Variants in CORIN observed in about 807,000 individuals in gnomAD.
CORIN encodes corin, serine peptidase, also known as atrial natriuretic peptide-converting enzyme.
CORIN carries 117 observed loss-of-function variants against 125.3 expected under a neutral mutation model. The observed-to-expected ratio is 0.93, with a 90% CI of 0.80 to 1.09. The LOEUF is 1.09. Among genes scored for constraint, CORIN ranks in the 50% least tolerant of loss-of-function variants. The probability of loss-of-function intolerance (pLI) is 0.00; values close to 1 mark genes in which losing one functional copy is unlikely to be tolerated. For synonymous variants in CORIN, 450 were observed against 466.4 expected, an observed-to-expected ratio of 0.96 and a Z score of 0.45; for missense variants, 1,253 against 1,306.7, an observed-to-expected ratio of 0.96 and a Z score of 0.63.
At chr4:47,835,874 A>G (rs1733372011) in intron 1 of CORIN, among the ~76,000 whole-genome samples, 1 of 152,162 alleles carries the variant, frequency 6.6e-6, no homozygotes, top group Non-Finnish European at 1.5e-5. Flanking sequence ...CTGTACCTGG[A>G]TATGTGCTTG....
chr4:47,806,459 A>G (rs571326484), intron 2 of CORIN, among the ~76,000 whole-genome samples: 17 of 152,280 alleles, frequency 1.1e-4, no homozygotes, highest in Admixed American at 4.6e-4. Context: ...CTTCTAACCT[A>G]AATTTCTATT....
intron 5 of CORIN, among the ~76,000 whole-genome samples, chr4:47,695,558 T>C (rs1006377376): frequency 2.6e-5 from 4 of 152,238 alleles, no homozygotes; most frequent in African/African-American, 9.6e-5. Context: ...TGATATCCCC[T>C]GTCTTGGCTG....
Position 47,659,019 on chromosome 4 carries a change from A to T in CORIN, c.1735+2692T>A, listed in dbSNP as rs1325637424. Among the ~76,000 whole-genome samples the T allele has an allele frequency of 2.0e-5, 3 of 152,306 alleles. No homozygotes were observed. The East Asian group carries it at 5.8e-4, about 29-fold the overall frequency. ...TCAGATACCCTAAATTTTCACTCTG[A>T]AGTTCCAACTTCAACAGATCCTTAG... On this transcript the variant is annotated intron_variant, in intron 12 of 21. Transcript: ENST00000273857.
At chr4:47,791,594 G>C (rs746005014) in intron 2 of CORIN, among the ~76,000 whole-genome samples, 1 of 152,194 alleles carries the variant, frequency 6.6e-6, no homozygotes, top group Non-Finnish European at 1.5e-5. Flanking sequence ...GTTTTAGAGA[G>C]ATGGAAACTG....
intron 1 of CORIN, among the ~76,000 whole-genome samples, chr4:47,825,125 C>T (rs758442923): frequency 6.6e-6 from 1 of 152,156 alleles, no homozygotes; most frequent in African/African-American, 2.4e-5. Flanking sequence ...CCTCAGGGTG[C>T]GAGACACAAA....
chr4:47,771,593 C>T (rs1160829980), intron 3 of CORIN, among the ~76,000 whole-genome samples: 2 of 152,154 alleles, frequency 1.3e-5, no homozygotes, highest in Admixed American at 6.5e-5. Context: ...TCCCTCCTCC[C>T]ACCCTCCACC....
intron 5 of CORIN, among the ~76,000 whole-genome samples, chr4:47,712,705 T>C (rs1256063643): frequency 1.3e-5 from 2 of 152,188 alleles, no homozygotes; most frequent in Non-Finnish European, 2.9e-5. Flanking sequence ...TCTCTTAGTT[T>C]CCACAAGAAG....
chr4:47,698,498 A>G (rs1726138408), intron 5 of CORIN, among the ~76,000 whole-genome samples: 1 of 151,918 alleles, frequency 6.6e-6, no homozygotes, highest in Admixed American at 6.6e-5. Context: ...AATGAGGCCA[A>G]GCAGAAGGGA....
intron 19 of CORIN, among the ~76,000 whole-genome samples, chr4:47,606,039 A>G (rs1021761757): frequency 6.6e-6 from 1 of 152,156 alleles, no homozygotes; most frequent in Non-Finnish European, 1.5e-5. Context: ...AGAGGAACGG[A>G]CATCATTCAG....
At chr4:47,693,663 G>A (rs1380564391) in intron 5 of CORIN, among the ~76,000 whole-genome samples, 3 of 152,162 alleles carry the variant, frequency 2.0e-5, no homozygotes, top group Non-Finnish European at 2.9e-5. Context: ...TTGGCATAAG[G>A]AACGGGAAAT....
intron 1 of CORIN, among the ~76,000 whole-genome samples, chr4:47,834,423 G>C (rs571061436): frequency 6.6e-6 from 1 of 152,282 alleles, no homozygotes; most frequent in South Asian, 2.1e-4. Flanking sequence ...TAGAAGCAGA[G>C]AGTGGAATGG....
chr4:47,606,010 T>C (rs1331669771), intron 19 of CORIN, among the ~76,000 whole-genome samples: 1 of 152,032 alleles, frequency 6.6e-6, no homozygotes, highest in Admixed American at 6.5e-5. Flanking sequence ...ATTAAACAAA[T>C]AGTAATTTCA....
chr4:47,825,769 C>T (rs1051010821), intron 1 of CORIN, among the ~76,000 whole-genome samples: 4 of 148,688 alleles, frequency 2.7e-5, no homozygotes, highest in East Asian at 1.9e-4. Flanking sequence ...GGCGTGATCT[C>T]GGCTCACTGC....
intron 5 of CORIN, among the ~76,000 whole-genome samples, chr4:47,694,961 A>G (rs985706810): frequency 5.3e-5 from 8 of 152,228 alleles, no homozygotes; most frequent in Non-Finnish European, 1.2e-4. Flanking sequence ...TTATGATACT[A>G]CTTCATGTAA....
Position 47,674,443 on chromosome 4 carries a change from G to C in CORIN, c.1307C>G (p.Ser436Ter), listed in dbSNP as rs1361341571. The C allele has an allele frequency of 6.2e-7, 1 of 1,613,900 alleles. No individual in the cohort carries two copies. The highest frequency in any genetic ancestry group is 8.5e-7 in the Non-Finnish European group (1 of 1,179,934). Reference protein sequence around the residue: ...QRCLYNPCLDSCGGSSLCDPN... With the variant: ...QRCLYNPCLD ...GTCACAGAGAGAGCTACCACCACAT[G>C]AATCAAGGCAGGGATTGTAGAGGCA... Residue 436 changes from serine to a stop codon, truncating the protein, a stop_gained, in exon 10 of 22, where the codon TCA becomes TGA. Transcript: ENST00000273857. LOFTEE classifies it high-confidence loss of function.
intron 10 of CORIN, among the ~76,000 whole-genome samples, chr4:47,669,854 C>A (rs1306356896): frequency 6.6e-6 from 1 of 152,180 alleles, no homozygotes; most frequent in African/African-American, 2.4e-5. Context: ...CAGGCGTGAG[C>A]CACCGCACCC....
At chr4:47,603,104 G>T (rs920521953) in intron 20 of CORIN, among the ~76,000 whole-genome samples, 1 of 152,122 alleles carries the variant, frequency 6.6e-6, no homozygotes, top group African/African-American at 2.4e-5. Flanking sequence ...TAATGGGAGG[G>T]ATCTGGTGGG....
intron 5 of CORIN, among the ~76,000 whole-genome samples, chr4:47,741,817 T>C (rs1008243163): frequency 2.0e-5 from 3 of 152,014 alleles, no homozygotes; most frequent in Admixed American, 6.5e-5. Flanking sequence ...AAGAGTCCCA[T>C]ACTGTATGAT....
At position 47,711,545 on chromosome 4, in the gene CORIN, G is replaced by C. The variant is rs527470482; in HGVS notation, c.800-18462C>G. On this transcript the variant is annotated intron_variant, in intron 5 of 21. Coordinates refer to ENST00000273857, the MANE Select transcript of CORIN (RefSeq NM_006587.4). Reference sequence around the variant, plus strand: ...ACACAGGTGAAGACCATAGTCTAGGGATTGGTGAAGCAAGAAATAGATGGA... The same window carrying C: ...ACACAGGTGAAGACCATAGTCTAGGCATTGGTGAAGCAAGAAATAGATGGA... Among the ~76,000 whole-genome samples, 4 of 152,352 alleles carry C rather than the reference G, an allele frequency of 2.6e-5. No individual in the cohort carries two copies. In the South Asian group the frequency reaches 8.3e-4, roughly 32 times the overall value.
Sources: allele counts gnomAD v4.1 joint callset (sites outside exome capture counted in the v4.1 genomes callset), GRCh38; gene constraint gnomAD v4.1.1; transcripts MANE v1.5; gene names NCBI Gene and HGNC (gene_info 2026-07-23, HGNC 2026-07-21).